The following ELMO1 variants were observed in gnomAD, a reference collection of about 807,000 sequenced individuals.
ELMO1 encodes the protein engulfment and cell motility 1.
In ELMO1, 26 loss-of-function variants were observed where a neutral mutation model predicts 98.9. The ratio of observed to expected loss-of-function variants is 0.26; its 90% CI spans 0.19 to 0.36. ELMO1 has a LOEUF of 0.36. ELMO1 is among the 10% of genes least tolerant of loss of function. The probability of loss-of-function intolerance (pLI) is 1.00; values close to 1 mark genes in which losing one functional copy is unlikely to be tolerated. For synonymous variants in ELMO1, 346 were observed against 346.0 expected (o/e 1.00, Z 0.00); for missense variants, 627 against 935.2 (o/e 0.67, Z 4.30).
rs78185366 is a variant in ELMO1, at chr7:36,918,993, T to G, written c.1438-23976A>C. 4.3e-3 allele frequency among the ~76,000 whole-genome samples: 574 copies of G among 132,820 alleles called. 8 individuals are homozygous for G. Among genetic ancestry groups the G allele is most frequent in the South Asian group, 0.041 (164 of 3,976 alleles). The allele number at this position is 132,820 out of a possible 152,430, so 87.1% of individuals were successfully genotyped here. On this transcript the variant is annotated intron_variant, in intron 16 of 21. Transcript: ENST00000310758. ...ATGCCTTCATTCATTCATTCATTCA[T>G]TCAGTCAGTCAGTCAGTCAGTTGGC...
At chr7:37,332,047 T>A (rs778900091) in intron 2 of ELMO1, among the ~76,000 whole-genome samples, 25 of 152,152 alleles carry the variant, frequency 1.6e-4, no homozygotes, top group Non-Finnish European at 2.9e-5. Context: ...GAGCATCTCA[T>A]GATGATGAGG....
At chr7:37,388,958 T>C (rs1452744651) in intron 1 of ELMO1, among the ~76,000 whole-genome samples, 1 of 152,198 alleles carries the variant, frequency 6.6e-6, no homozygotes, top group Non-Finnish European at 1.5e-5. Flanking sequence ...TAAAACCACA[T>C]AATTTCCATG....
chr7:36,977,802 G>T (rs1367942006), intron 16 of ELMO1, among the ~76,000 whole-genome samples: 2 of 152,314 alleles, frequency 1.3e-5, no homozygotes, highest in East Asian at 3.9e-4. Context: ...ACTCTTACAA[G>T]GGCCCAGTTT....
At chr7:36,914,011 T>C (rs1784516730) in intron 16 of ELMO1, among the ~76,000 whole-genome samples, 1 of 152,204 alleles carries the variant, frequency 6.6e-6, no homozygotes. Context: ...ACATGCACGT[T>C]TTTCTACCTT....
Position 37,118,133 on chromosome 7 carries a change from C to T in ELMO1, c.1191+14997G>A, listed in dbSNP as rs1785727208. On this transcript the variant is annotated intron_variant, in intron 14 of 21. Coordinates refer to ENST00000310758, the MANE Select transcript of ELMO1 (RefSeq NM_014800.11). Reference sequence around the variant, plus strand: ...GTAATTATGTCGCTTGGGGAACCGCCAAATTCCCCCTTGAAATGTTAGAAG... The same window carrying T: ...GTAATTATGTCGCTTGGGGAACCGCTAAATTCCCCCTTGAAATGTTAGAAG... Among the ~76,000 whole-genome samples the T allele has an allele frequency of 2.0e-5, 3 of 152,184 alleles. No homozygotes were observed. In the South Asian group the frequency reaches 6.2e-4, roughly 31 times the overall value.
intron 13 of ELMO1, among the ~76,000 whole-genome samples, chr7:37,141,001 T>G (rs1787601933): frequency 6.6e-6 from 1 of 152,192 alleles, no homozygotes; most frequent in South Asian, 2.1e-4. Context: ...AAAGTAGATC[T>G]ACCATTTGAT....
At chr7:37,229,368 T>C (rs1196000003) in intron 8 of ELMO1, among the ~76,000 whole-genome samples, 1 of 152,174 alleles carries the variant, frequency 6.6e-6, no homozygotes, top group African/African-American at 2.4e-5. Flanking sequence ...TATATATTGG[T>C]ATCAAGGAAT....
rs778018495 is a variant in ELMO1, at chr7:37,259,311, A to G, written c.283T>C (p.Ser95Pro). The change falls in exon 6 of 22, where the codon TCG (serine) becomes CCG (proline). Residue 95 changes from serine (S) to proline (P), a missense_variant. Transcript: ENST00000310758. The stretch of plus-strand genomic sequence containing the variant: ...GCTTCCAGCTTGGCATCCATACTCG[A>G]GGACTGGATTCGTTCATGGAGCTGC... ...AQQLHERIQS[S>P]SMDAKLEALK... 6.2e-7 allele frequency: 1 copy of G among 1,614,152 alleles called. No homozygotes were observed.
chr7:37,414,685 C>T (rs1343083075), intron 1 of ELMO1, among the ~76,000 whole-genome samples: 2 of 152,274 alleles, frequency 1.3e-5, no homozygotes, highest in East Asian at 3.9e-4. Context: ...CTCACCATAC[C>T]TCTAATCTTT....
chr7:37,053,992 T>C (rs1796261050), intron 15 of ELMO1, among the ~76,000 whole-genome samples: 2 of 152,200 alleles, frequency 1.3e-5, no homozygotes, highest in Non-Finnish European at 1.5e-5. Flanking sequence ...AGTCTGAATG[T>C]ATAGTTTGCA....
chr7:37,409,358 G>A (rs1356962696), intron 1 of ELMO1, among the ~76,000 whole-genome samples: 1 of 152,200 alleles, frequency 6.6e-6, no homozygotes, highest in African/African-American at 2.4e-5. Context: ...TATATGGCAA[G>A]TGTCCTGGCT....
chr7:36,961,477 TAC>T (rs1788946456), intron 16 of ELMO1, among the ~76,000 whole-genome samples: 2 of 152,196 alleles, frequency 1.3e-5, no homozygotes, highest in Admixed American at 6.5e-5. Context: ...GTATGAAAAT[TAC>T]AGAGTTTTAA....
intron 16 of ELMO1, among the ~76,000 whole-genome samples, chr7:36,910,092 T>C (rs1784238167): frequency 6.6e-6 from 1 of 152,154 alleles, no homozygotes; most frequent in Admixed American, 6.5e-5. Flanking sequence ...CACAGATTAG[T>C]ATAGAACTCA....
intron 14 of ELMO1, among the ~76,000 whole-genome samples, chr7:37,106,537 G>C (rs1214251279): frequency 6.6e-6 from 1 of 152,080 alleles, no homozygotes; most frequent in Non-Finnish European, 1.5e-5. Flanking sequence ...AGAACCATAA[G>C]AAATACATTT....
At position 37,244,341 on chromosome 7, in the gene ELMO1, A is replaced by G; in HGVS notation, c.449+15T>C. ...AGGGTTAAATCATCAATATCAATCG[A>G]TCAAATATTCTTACCAAGGCTTCAT... is the stretch of plus-strand genomic sequence containing the variant. On this transcript the variant is annotated intron_variant, in intron 7 of 21. Transcript: ENST00000310758. 1 of 1,612,046 alleles carries G rather than the reference A, an allele frequency of 6.2e-7. No individual in the cohort carries two copies. The highest frequency in any genetic ancestry group is 2.2e-5 in the East Asian group (1 of 44,802).
chr7:36,926,615 G>A (rs1045524933), intron 16 of ELMO1, among the ~76,000 whole-genome samples: 2 of 152,102 alleles, frequency 1.3e-5, no homozygotes, highest in African/African-American at 4.8e-5. Context: ...CCCTTAGTGT[G>A]AGGAGGAAGA....
intron 1 of ELMO1, among the ~76,000 whole-genome samples, chr7:37,354,599 T>G (rs886739000): frequency 2.6e-5 from 4 of 152,208 alleles, no homozygotes; most frequent in Admixed American, 2.0e-4. Context: ...TGCAAACTAA[T>G]GCACACACTT....
chr7:37,020,635 T>C lies in ELMO1; in HGVS notation c.1301-7200A>G, dbSNP rs1016231122. Among the ~76,000 whole-genome samples, 15 of 152,300 alleles carry C rather than the reference T, an allele frequency of 9.8e-5. No homozygotes were observed. In the Middle Eastern group the frequency reaches 0.01, roughly 104 times the overall value. On this transcript the variant is annotated intron_variant, in intron 15 of 21. Coordinates refer to ENST00000310758, the MANE Select transcript of ELMO1 (RefSeq NM_014800.11). Reference sequence around the variant, plus strand: ...CATTTTGAGATGCTGAAAAGCTCTGTTCCATCCTTTCTATGACCTTGGTGA... The same window carrying C: ...CATTTTGAGATGCTGAAAAGCTCTGCTCCATCCTTTCTATGACCTTGGTGA...
At chr7:37,354,759 G>A (rs1458247251) in intron 1 of ELMO1, among the ~76,000 whole-genome samples, 5 of 152,176 alleles carry the variant, frequency 3.3e-5, no homozygotes, top group Non-Finnish European at 5.9e-5. Context: ...CTCGAGCCCA[G>A]TTCCCTATCG....
Sources: gnomAD v4.1 joint callset for allele counts (sites outside exome capture counted in the v4.1 genomes callset) on GRCh38, gnomAD v4.1.1 for gene constraint, MANE v1.5 for transcripts, NCBI Gene and HGNC (gene_info 2026-07-23, HGNC 2026-07-21) for gene names.